The following NME9 variants were observed in gnomAD, a reference collection of about 807,000 sequenced individuals.
NME9 encodes the protein NME/NM23 family member 9, also known as thioredoxin domain-containing protein 6.
A neutral mutation model predicts 44.4 loss-of-function variants in NME9; 48 were observed. That is an observed-to-expected ratio of 1.08 (90% CI 0.86 to 1.37). The LOEUF (loss-of-function observed/expected upper bound fraction) is 1.37. NME9 is among the 40% of genes most tolerant of loss of function. The pLI is 0.00. For missense variants in NME9, 325 were observed against 405.2 expected, an observed-to-expected ratio of 0.80 and a Z score of 1.70; for synonymous variants, 139 against 147.1, an observed-to-expected ratio of 0.94 and a Z score of 0.40.
At chr3:138,271,423 C>T (rs2048774903) in intron 8 of NME9, among the ~76,000 whole-genome samples, 1 of 152,132 alleles carries the variant, frequency 6.6e-6, no homozygotes, top group Non-Finnish European at 1.5e-5. Context: ...TCTACATATC[C>T]AGATGTAACT....
intron 4 of NME9, among the ~76,000 whole-genome samples, chr3:138,317,422 A>G (rs561096132): frequency 6.6e-6 from 1 of 152,328 alleles, no homozygotes; most frequent in South Asian, 2.1e-4. Flanking sequence ...GTGAGGAGGT[A>G]TATCGATCCA....
chr3:138,321,292 T>A (rs1400168876), intron 2 of NME9, among the ~76,000 whole-genome samples: 1 of 152,220 alleles, frequency 6.6e-6, no homozygotes, highest in African/African-American at 2.4e-5. Flanking sequence ...GGCTAGCAAG[T>A]CCAAGATCAA....
intron 6 of NME9, among the ~76,000 whole-genome samples, chr3:138,312,448 C>T (rs919923277): frequency 2.2e-4 from 33 of 152,190 alleles, no homozygotes; most frequent in African/African-American, 7.5e-4. Flanking sequence ...GATGTAAATC[C>T]ACACATTTAT....
downstream of NME9, chr3:138,298,442 G>T (rs1049643243): frequency 2.6e-5 from 4 of 152,162 alleles, no homozygotes; most frequent in African/African-American, 9.7e-5. Context: ...AAGATAATGT[G>T]TACACGCTTT....
At chr3:138,270,818 C>CT (rs2048721847) in intron 8 of NME9, among the ~76,000 whole-genome samples, 1 of 151,946 alleles carries the variant, frequency 6.6e-6, no homozygotes, top group Non-Finnish European at 1.5e-5. Context: ...ACCATTTCTC[C>CT]TTAAGATTAT....
chr3:138,264,696 G>C (rs897251571), intron 8 of NME9, among the ~76,000 whole-genome samples: 1 of 151,712 alleles, frequency 6.6e-6, no homozygotes, highest in Non-Finnish European at 1.5e-5. Context: ...GGGATTACAG[G>C]CATGAGCCAC....
At chr3:138,273,319 C>T (rs1482331810) in intron 8 of NME9, among the ~76,000 whole-genome samples, 3 of 152,202 alleles carry the variant, frequency 2.0e-5, no homozygotes, top group Non-Finnish European at 2.9e-5. Flanking sequence ...ACCCCCTATT[C>T]TCCACTCCTA....
At chr3:138,307,563 CTG>C (rs1426267077) in intron 6 of NME9, among the ~76,000 whole-genome samples, 1 of 152,182 alleles carries the variant, frequency 6.6e-6, no homozygotes, top group Non-Finnish European at 1.5e-5. Flanking sequence ...AGCAACAAAT[CTG>C]TTATTTCTTT....
At chr3:138,306,157 T>G in intron 7 of NME9, 61 bp from the exon 8 acceptor site, 1 of 1,230,782 alleles carries the variant, frequency 8.1e-7, no homozygotes, top group Non-Finnish European at 1.2e-6. Context: ...CATTGATTAA[T>G]TAATTTAGTT....
At chr3:138,311,502 T>G (rs2052700790) in intron 6 of NME9, among the ~76,000 whole-genome samples, 1 of 152,060 alleles carries the variant, frequency 6.6e-6, no homozygotes, top group South Asian at 2.1e-4. Context: ...AACAAAATAC[T>G]AACAAACCAA....
In NME9 at chr3:138,269,846, C is replaced by T. The variant is rs1206756088; in HGVS notation, c.746-7260G>A. Among the ~76,000 whole-genome samples the T allele has an allele frequency of 3.9e-3, 251 of 64,104 alleles. 1 individual carries two copies. The highest frequency in any genetic ancestry group is 0.014 in the African/African-American group (229 of 15,836). The allele number at this position is 64,104 out of a possible 152,430, so 42.1% of individuals were successfully genotyped here. On this transcript the variant is annotated intron_variant, in intron 8 of 8. Coordinates refer to the NME9 transcript ENST00000317876. ...TTTTTTTTTTTTTTTTTTGGCTTTTCGGATTTATGAGAAAATAATTGTCTT... is the reference window on the plus strand; with the variant it reads ...TTTTTTTTTTTTTTTTTTGGCTTTTTGGATTTATGAGAAAATAATTGTCTT...
chr3:138,279,947 C>G (rs2108337903), intron 8 of NME9, among the ~76,000 whole-genome samples: 1 of 152,108 alleles, frequency 6.6e-6, no homozygotes, highest in Non-Finnish European at 1.5e-5. Context: ...CTGTGTCACC[C>G]AGGCTGGAGT....
At chr3:138,329,231 A>G (rs985190177) in intron 1 of NME9, 72 bp downstream of exon 1, 33 of 1,332,986 alleles carry the variant, frequency 2.5e-5, no homozygotes, top group African/African-American at 1.6e-4. Context: ...TTATACTGCA[A>G]CCCCGCTCTA....
chr3:138,303,234 A>G (rs1467211811), intron 10 of NME9: 4 of 328,486 alleles, frequency 1.2e-5, no homozygotes, highest in Non-Finnish European at 2.3e-5. Context: ...GGAAATGCAA[A>G]TAAAGTACTT....
chr3:138,306,639 C>G (rs1291545214), intron 6 of NME9, among the ~76,000 whole-genome samples, 159 bp from the exon 7 acceptor site: 2 of 152,204 alleles, frequency 1.3e-5, no homozygotes, highest in Non-Finnish European at 2.9e-5. Context: ...TAGTTTTGCC[C>G]CTGCAAACCT....
intron 4 of NME9, among the ~76,000 whole-genome samples, chr3:138,316,093 A>G (rs2053060959): frequency 6.6e-6 from 1 of 151,870 alleles, no homozygotes; most frequent in African/African-American, 2.4e-5. Flanking sequence ...CGGCCTCCCA[A>G]AGCGTTGGGA....
chr3:138,262,697 TC>T, intron 8 of NME9: 2 of 1,065,968 alleles, frequency 1.9e-6, no homozygotes, highest in Non-Finnish European at 2.5e-6. Flanking sequence ...AAAAAAAATC[TC>T]CCCAGGTAAT....
intron 8 of NME9, among the ~76,000 whole-genome samples, chr3:138,277,638 AT>A (rs1203201776): frequency 5.3e-5 from 8 of 152,210 alleles, no homozygotes; most frequent in Non-Finnish European, 8.8e-5. Context: ...ATAGCTAAAA[AT>A]TTTTTTAAAA....
intron 6 of NME9, among the ~76,000 whole-genome samples, chr3:138,310,481 T>G (rs991943608): frequency 4.0e-5 from 6 of 151,796 alleles, no homozygotes; most frequent in African/African-American, 1.5e-4. Context: ...TTCATCAGCA[T>G]GTGGAATATT....
Sources: allele counts gnomAD v4.1 joint callset (sites outside exome capture counted in the v4.1 genomes callset), GRCh38; gene constraint gnomAD v4.1.1; transcripts MANE v1.5; gene names NCBI Gene and HGNC (gene_info 2026-07-23, HGNC 2026-07-21).